Variants in GRID1 observed in about 807,000 individuals in gnomAD.
GRID1 encodes the protein glutamate ionotropic receptor delta type subunit 1, also known as glutamate receptor ionotropic, delta-1.
GRID1 carries 28 observed loss-of-function variants against 98.0 expected under a neutral mutation model. The observed-to-expected ratio is 0.29, with a 90% CI of 0.21 to 0.39. GRID1 has a LOEUF of 0.39. Among genes scored for constraint, GRID1 ranks in the 10% least tolerant of loss-of-function variants. The pLI, the probability that GRID1 is intolerant of heterozygous loss-of-function variation, is 1.00. For missense variants in GRID1, 1,111 were observed against 1,340.5 expected, an observed-to-expected ratio of 0.83 and a Z score of 2.67; for synonymous variants, 553 against 538.5, an observed-to-expected ratio of 1.03 and a Z score of -0.37.
chr10:86,244,656 G>T (rs1297330293), intron 2 of GRID1, among the ~76,000 whole-genome samples: 1 of 152,198 alleles, frequency 6.6e-6, no homozygotes, highest in African/African-American at 2.4e-5. Flanking sequence ...GCGAGGCCTG[G>T]GCCCCTTTAC....
intron 3 of GRID1, among the ~76,000 whole-genome samples, chr10:86,149,187 G>A (rs938349480): frequency 3.3e-5 from 5 of 152,358 alleles, no homozygotes; most frequent in African/African-American, 1.2e-4. Flanking sequence ...TCCCTTCTGT[G>A]ATAATGGAAA....
chr10:86,268,423 G>A (rs546255195), intron 2 of GRID1, among the ~76,000 whole-genome samples: 5 of 152,320 alleles, frequency 3.3e-5, no homozygotes, highest in South Asian at 2.1e-4. Flanking sequence ...GCCCAGGACC[G>A]TCCGTGATGG....
chr10:85,911,431 C>T (rs1053667169), intron 5 of GRID1, among the ~76,000 whole-genome samples: 5 of 152,080 alleles, frequency 3.3e-5, no homozygotes, highest in African/African-American at 1.2e-4. Context: ...GTGGAGTCAC[C>T]GACTTACACT....
chr10:86,313,737 G>C (rs1413599035), intron 2 of GRID1, among the ~76,000 whole-genome samples: 1 of 152,210 alleles, frequency 6.6e-6, no homozygotes, highest in Non-Finnish European at 1.5e-5. Flanking sequence ...CCCCAGCTGA[G>C]GAGCAAGTGA....
chr10:86,189,916 G>A (rs1037179829), intron 3 of GRID1, among the ~76,000 whole-genome samples: 6 of 152,114 alleles, frequency 3.9e-5, no homozygotes, highest in Admixed American at 1.3e-4. Context: ...TCTTTTGCCT[G>A]AAAACTCACC....
intron 8 of GRID1, among the ~76,000 whole-genome samples, chr10:85,814,739 T>A (rs1273708266): frequency 6.6e-6 from 1 of 151,920 alleles, no homozygotes; most frequent in South Asian, 2.1e-4. Context: ...TAAGAAGAAA[T>A]AGATAATGAG....
In GRID1 at chr10:85,901,227, TTTTA is replaced by T. The variant is rs34330928; in HGVS notation, c.780+14955_780+14958del. 8.7e-4 allele frequency among the ~76,000 whole-genome samples: 127 copies of T among 146,334 alleles called. 1 individual carries two copies. The highest frequency in any genetic ancestry group is 6.6e-3 in the East Asian group (33 of 5,024). On this transcript the variant is annotated intron_variant, in intron 5 of 15. Transcript: ENST00000327946. ...TTATTTATTCATTTATTTTATTTTA[TTTTA>T]TTTATTTATTTATTTATTTATTTAT... is the stretch of plus-strand genomic sequence containing the variant.
intron 2 of GRID1, among the ~76,000 whole-genome samples, chr10:86,321,099 C>CA (rs71487246): frequency 0.26 from 22,797 of 89,300 alleles, 2,102 homozygotes; most frequent in Middle Eastern, 0.32. Context: ...GACTCCATCT[C>CA]AAAAAAAAAA....
intron 4 of GRID1, among the ~76,000 whole-genome samples, chr10:86,046,186 C>T (rs941736678): frequency 2.0e-5 from 3 of 152,184 alleles, no homozygotes; most frequent in African/African-American, 7.2e-5. Context: ...GAAGTTACTA[C>T]CCTTCCCCTA....
chr10:85,938,610 G>C (rs1227550693), intron 4 of GRID1, among the ~76,000 whole-genome samples: 2 of 152,116 alleles, frequency 1.3e-5, no homozygotes, highest in Non-Finnish European at 2.9e-5. Context: ...AAACGAGCCA[G>C]GATTTGACCT....
chr10:86,122,810 C>A (rs1186619486), intron 4 of GRID1, among the ~76,000 whole-genome samples: 2 of 152,232 alleles, frequency 1.3e-5, no homozygotes, highest in Non-Finnish European at 1.5e-5. Flanking sequence ...ATGGGACTGA[C>A]CCTGAGGGCC....
chr10:85,809,692 G>A (rs973171856), intron 8 of GRID1, among the ~76,000 whole-genome samples: 1 of 152,192 alleles, frequency 6.6e-6, no homozygotes, highest in Non-Finnish European at 1.5e-5. Flanking sequence ...GTGCTGAAGT[G>A]TAACAAAGGA....
chr10:86,349,977 T>C (rs1848440138), intron 2 of GRID1, among the ~76,000 whole-genome samples: 1 of 152,160 alleles, frequency 6.6e-6, no homozygotes, highest in South Asian at 2.1e-4. Context: ...GGTAGAGTAA[T>C]AGGGGCCCTA....
At chr10:85,667,584 C>G (rs917941662) in intron 12 of GRID1, among the ~76,000 whole-genome samples, 1 of 152,268 alleles carries the variant, frequency 6.6e-6, no homozygotes, top group African/African-American at 2.4e-5. Context: ...CATTCAATAT[C>G]GGATCCAGCA....
At chr10:86,278,951 A>T (rs1847314760) in intron 2 of GRID1, among the ~76,000 whole-genome samples, 1 of 152,220 alleles carries the variant, frequency 6.6e-6, no homozygotes, top group Non-Finnish European at 1.5e-5. Context: ...TAACAAAACC[A>T]AAGACGTTAC....
At position 85,602,266 on chromosome 10, in the gene GRID1, G is replaced by A. The variant is rs374304101; in HGVS notation, c.*7C>T. 14 of 1,488,554 alleles carry A rather than the reference G, an allele frequency of 9.4e-6. No homozygotes were observed. The highest frequency in any genetic ancestry group is 4.2e-5 in the South Asian group (3 of 71,916). 92.2% of individuals were successfully genotyped at this position (1,488,554 alleles called of 1,614,324 possible). A position where few individuals can be genotyped will look rare whatever the true frequency, so the allele number is the denominator to read the frequency against. On this transcript the variant is annotated 3_prime_UTR_variant, in exon 16 of 16. Transcript: ENST00000327946. ...TGGGAGGGTGGGCAGGAGGGCAGGC[G>A]GCGCAGTCAGATGGAGGTCCCGTGG...
intron 4 of GRID1, among the ~76,000 whole-genome samples, chr10:86,021,145 A>G (rs562283514): frequency 1.3e-5 from 2 of 152,282 alleles, no homozygotes; most frequent in East Asian, 3.9e-4. Flanking sequence ...GGAGGAATCC[A>G]CTTGCAATTG....
At chr10:85,820,101 G>GAAACA (rs1842754257) in intron 8 of GRID1, among the ~76,000 whole-genome samples, 1 of 116,390 alleles carries the variant, frequency 8.6e-6, no homozygotes, top group Admixed American at 8.7e-5. Context: ...CAGGCAGGAA[G>GAAACA]GAAGGGAGGA....
chr10:86,221,549 G>C (rs1186538755), intron 2 of GRID1, among the ~76,000 whole-genome samples: 1 of 152,208 alleles, frequency 6.6e-6, no homozygotes. Context: ...GGGGTGGACA[G>C]TCATGTAGCC....
Sources: gnomAD v4.1 joint callset for allele counts (sites outside exome capture counted in the v4.1 genomes callset) on GRCh38, gnomAD v4.1.1 for gene constraint, MANE v1.5 for transcripts, NCBI Gene and HGNC (gene_info 2026-07-23, HGNC 2026-07-21) for gene names.